The following KIF24 variants were observed in gnomAD, a reference collection of about 807,000 sequenced individuals.
The protein encoded by KIF24 is kinesin-like protein KIF24.
KIF24 carries 81 observed loss-of-function variants against 118.9 expected under a neutral mutation model. That is an observed-to-expected ratio of 0.68 (90% confidence interval 0.57 to 0.82). The LOEUF is 0.82. Among genes scored for constraint, KIF24 ranks in the 40% least tolerant of loss-of-function variants. KIF24 has a pLI of 0.00. For synonymous variants in KIF24, 599 were observed against 610.0 expected (o/e 0.98, Z 0.27); for missense variants, 1,560 against 1,661.6 (o/e 0.94, Z 1.06).
At position 34,318,601 on chromosome 9, in the gene KIF24, C is replaced by T; in HGVS notation, c.-25-7230G>A. 1 of 1,450,498 alleles carries T rather than the reference C, an allele frequency of 6.9e-7. No individual in the cohort carries two copies. The highest frequency in any genetic ancestry group is 1.2e-5 in the South Asian group (1 of 85,556). The allele number at this position is 1,450,498 out of a possible 1,614,324, so 89.9% of individuals were successfully genotyped here. A position where few individuals can be genotyped will look rare whatever the true frequency, so the allele number is the denominator to read the frequency against. On this transcript the variant is annotated intron_variant, in intron 1 of 12. Coordinates refer to ENST00000402558, the MANE Select transcript of KIF24 (RefSeq NM_194313.4). This position sits in a 1 kb window ranked among gnomAD's most constrained non-coding sequence, Gnocchi z 4.9. ...TGGCCAAGGACCAGGCGGTGGAGAA[C>T]ATCCTGGTGTCGCCCGTGGTGGTGG...
rs187662980 is a variant in KIF24 at position 34,318,871 on chromosome 9, C to T, written c.-25-7500G>A. On this transcript the variant is annotated intron_variant, in intron 1 of 12. Transcript: ENST00000402558. The surrounding 1 kb of genome is among the most constrained non-coding windows in gnomAD (Gnocchi z 4.9). Reference sequence around the variant, plus strand: ...GCAGCAGCAAGCAGCACTACAACTGCGAGCACTCCAAGATCAATTTCCATG... The same window carrying T: ...GCAGCAGCAAGCAGCACTACAACTGTGAGCACTCCAAGATCAATTTCCATG... 2.8e-5 allele frequency: 45 copies of T among 1,600,974 alleles called. No individual in the cohort carries two copies. In the East Asian group the frequency reaches 6.0e-4, roughly 21 times the overall value.
intron 1 of KIF24, among the ~76,000 whole-genome samples, chr9:34,316,222 C>T (rs539348035): frequency 6.6e-6 from 1 of 151,790 alleles, no homozygotes; most frequent in South Asian, 2.1e-4. Context: ...GTGGCAAGTG[C>T]CTGTAATCCC....
At chr9:34,264,152 T>A (rs1835196551) in intron 8 of KIF24, among the ~76,000 whole-genome samples, 1 of 151,912 alleles carries the variant, frequency 6.6e-6, no homozygotes, top group African/African-American at 2.4e-5. Context: ...CTGGGTGCAG[T>A]GGCTCATGCC....
In KIF24 at chr9:34,318,195, TA is replaced by T. The variant is rs61453973; in HGVS notation, c.-25-6825del. 0.17 allele frequency among the ~76,000 whole-genome samples: 25,914 copies of T among 151,450 alleles called. 2,527 individuals carry two copies. The highest frequency in any genetic ancestry group is 0.45 in the East Asian group (2,336 of 5,146). The stretch of plus-strand genomic sequence containing the variant: ...GGGCAACATAGTGAGACCCCGCCCC[TA>T]AAAAAAAGACATGAATAATGAACAT... On this transcript the variant is annotated intron_variant, in intron 1 of 12. Coordinates refer to ENST00000402558, the MANE Select transcript of KIF24 (RefSeq NM_194313.4). This position sits in a 1 kb window ranked among gnomAD's most constrained non-coding sequence, Gnocchi z 4.9.
At chr9:34,280,263 G>T (rs538951205) in intron 6 of KIF24, among the ~76,000 whole-genome samples, 8 of 112,272 alleles carry the variant, frequency 7.1e-5, no homozygotes, top group Non-Finnish European at 1.2e-4. Flanking sequence ...CAACCTGGGC[G>T]ACAGGGCGAG....
At chr9:34,304,034 A>G (rs763293758) in intron 3 of KIF24, among the ~76,000 whole-genome samples, 1 of 152,210 alleles carries the variant, frequency 6.6e-6, no homozygotes. Context: ...ATATTGATAT[A>G]AAGTTTAATG....
rs1264945583 is a variant in KIF24, at chr9:34,318,068, C to A, written c.-25-6697G>T. On this transcript the variant is annotated intron_variant, in intron 1 of 12. Coordinates refer to ENST00000402558, the MANE Select transcript of KIF24 (RefSeq NM_194313.4). The surrounding 1 kb of genome is among the most constrained non-coding windows in gnomAD (Gnocchi z 4.9). ...GGGAGCAAAGGATTGCTTTAAGAAT[C>A]CTTTCCTCAACATGTAGAAGCCTGA... is the stretch of plus-strand genomic sequence containing the variant. Among the ~76,000 whole-genome samples the A allele has an allele frequency of 6.6e-6, 1 of 152,004 alleles. No homozygotes were observed. The highest frequency in any genetic ancestry group is 1.5e-5 in the Non-Finnish European group (1 of 67,996).
At chr9:34,309,503 T>A (rs1359554567) in intron 2 of KIF24, among the ~76,000 whole-genome samples, 1 of 139,970 alleles carries the variant, frequency 7.1e-6, no homozygotes, top group Non-Finnish European at 1.5e-5. Flanking sequence ...ATTGCACCAC[T>A]GCACTCCAGC....
intron 6 of KIF24, among the ~76,000 whole-genome samples, chr9:34,277,722 T>C (rs1313073066): frequency 6.6e-6 from 1 of 152,186 alleles, no homozygotes; most frequent in East Asian, 1.9e-4. Context: ...GCCAATTTTT[T>C]CCAATAACAG....
Position 34,256,030 on chromosome 9 carries a change from T to G in KIF24, c.3577A>C (p.Thr1193Pro), listed in dbSNP as rs1587906084. The G allele has an allele frequency of 1.9e-6, 3 of 1,613,938 alleles. No individual in the cohort carries two copies. The African/African-American group carries it at 4.0e-5, about 22-fold the overall frequency. Residue 1193 changes from threonine (T) to proline (P), a missense_variant, in exon 11 of 13, where the codon ACC becomes CCC. Thr to Pro is a conservative substitution (Grantham distance 38, BLOSUM62 -1). Around this residue, in one of 3 missense-constraint regions of KIF24, gnomAD observed 591 missense variants for 655.6 expected, o/e 0.90. Transcript: ENST00000402558. ...TGGGGTACCCCCATATGTATGGTGG[T>G]GAAGGGCTTTCCTGGGAAACCCCAG... Reference protein sequence around the residue: ...GSWGFPGKPFTTIHMGVPHSG... With the variant: ...GSWGFPGKPFPTIHMGVPHSG...
At chr9:34,296,175 C>T (rs1350066999) in intron 4 of KIF24, among the ~76,000 whole-genome samples, 5 of 139,198 alleles carry the variant, frequency 3.6e-5, no homozygotes, top group Admixed American at 3.0e-4. Flanking sequence ...ACCGAGGTGG[C>T]GCCACTGCAC....
At chr9:34,259,984 A>G (rs1167743822) in intron 9 of KIF24, among the ~76,000 whole-genome samples, 1 of 152,174 alleles carries the variant, frequency 6.6e-6, no homozygotes, top group East Asian at 1.9e-4. Flanking sequence ...GGTCCAGGGA[A>G]ATGAGTACTC....
chr9:34,323,378 G>A (rs984969220), intron 1 of KIF24, among the ~76,000 whole-genome samples: 1 of 152,120 alleles, frequency 6.6e-6, no homozygotes, highest in Non-Finnish European at 1.5e-5. Flanking sequence ...AAAAGCATGA[G>A]CAATCACCTA....
intron 5 of KIF24, among the ~76,000 whole-genome samples, chr9:34,287,030 AAGT>A (rs1836077288): frequency 6.6e-6 from 1 of 152,210 alleles, no homozygotes; most frequent in Admixed American, 6.5e-5. Context: ...GGTCCAATCA[AAGT>A]AAAGTCCTGG....
intron 2 of KIF24, among the ~76,000 whole-genome samples, chr9:34,308,219 T>C (rs1837003659): frequency 6.6e-6 from 1 of 152,104 alleles, no homozygotes; most frequent in African/African-American, 2.4e-5. Context: ...CTGCCTGCCT[T>C]GGCCTCCCAA....
intron 4 of KIF24, 69 bp from the exon 5 acceptor site, chr9:34,290,458 A>C: frequency 1.0e-6 from 1 of 956,686 alleles, no homozygotes; most frequent in South Asian, 1.6e-5. Context: ...TAGATTTTTA[A>C]TGACAAAGGT....
At position 34,255,807 on chromosome 9, in the gene KIF24, C is replaced by A. The variant is rs773657758; in HGVS notation, c.3800G>T (p.Ser1267Ile). ...RPISRCLARP[S>I]SPLVPSCSPK... ...AGAGCAGCTGGGAACCAAGGGAGAA[C>A]TTGGCCTTGCTAAGCACCTTGAGAT... Residue 1267 changes from serine to isoleucine, a missense_variant, in exon 11 of 13, where the codon AGT becomes ATT. Physicochemically the swap from Ser to Ile is moderately radical, Grantham distance 142. Transcript: ENST00000402558. 1 of 1,613,800 alleles carries A rather than the reference C, an allele frequency of 6.2e-7. No individual in the cohort carries two copies. Among genetic ancestry groups the A allele is most frequent in the Non-Finnish European group, 8.5e-7 (1 of 1,179,866 alleles).
At chr9:34,319,655 G>A (rs1837451945) in intron 1 of KIF24, 2 of 821,030 alleles carry the variant, frequency 2.4e-6, no homozygotes, top group South Asian at 2.8e-5. Flanking sequence ...ACGAGTTTTA[G>A]GGCCTCAGGG....
At chr9:34,272,633 A>T (rs1174441684) in intron 6 of KIF24, among the ~76,000 whole-genome samples, 3 of 151,908 alleles carry the variant, frequency 2.0e-5, no homozygotes, top group African/African-American at 4.8e-5. Flanking sequence ...GCAAAACAAA[A>T]TTTTTTTGAA....
Sources: allele counts gnomAD v4.1 joint callset (sites outside exome capture counted in the v4.1 genomes callset), GRCh38; gene constraint gnomAD v4.1.1; regional missense constraint gnomAD v4.1.1; non-coding constraint Gnocchi (gnomAD v3.1); transcripts MANE v1.5; gene names NCBI Gene and HGNC (gene_info 2026-07-23, HGNC 2026-07-21).